CRTAC1: variants seen among roughly 807,000 people sequenced by gnomAD.
CRTAC1 encodes the protein acidic secreted protein in cartilage.
A neutral mutation model predicts 67.8 loss-of-function variants in CRTAC1; 37 were observed. The ratio of observed to expected loss-of-function variants is 0.55; its 90% confidence interval spans 0.42 to 0.72. The LOEUF is 0.72. Ranked by LOEUF, CRTAC1 falls within the 30% of genes least tolerant of loss-of-function variation. The pLI is 0.00. For synonymous variants in CRTAC1, 348 were observed against 371.0 expected (o/e 0.94, Z 0.71); for missense variants, 780 against 931.6 (o/e 0.84, Z 2.12).
intron 1 of CRTAC1, among the ~76,000 whole-genome samples, chr10:98,028,390 T>C (rs1843283484): frequency 6.6e-6 from 1 of 152,206 alleles, no homozygotes; most frequent in African/African-American, 2.4e-5. Flanking sequence ...AGGAGTCTGC[T>C]CCACCTTTAG....
chr10:97,869,559 GCTTC>G (rs2050067793), intron 14 of CRTAC1: 1 of 152,560 alleles, frequency 6.6e-6, no homozygotes, highest in East Asian at 1.9e-4. Context: ...CTGCTGTCTG[GCTTC>G]CTTCCTTTGG....
At chr10:97,977,717 TGTTGGCTTTATGGA>T (rs968845131) in intron 2 of CRTAC1, among the ~76,000 whole-genome samples, 1 of 152,104 alleles carries the variant, frequency 6.6e-6, no homozygotes, top group African/African-American at 2.4e-5. Flanking sequence ...AACTGAGAAA[TGTTGGCTTTATGGA>T]GTTGGTTTTT....
At chr10:98,023,017 T>C (rs1010513733) in intron 1 of CRTAC1, among the ~76,000 whole-genome samples, 6 of 152,182 alleles carry the variant, frequency 3.9e-5, no homozygotes, top group Non-Finnish European at 7.3e-5. Context: ...CTCCCAGATA[T>C]ATATTTGTGA....
chr10:97,968,389 C>T (rs766415509), intron 2 of CRTAC1, among the ~76,000 whole-genome samples: 20 of 152,168 alleles, frequency 1.3e-4, no homozygotes, highest in Non-Finnish European at 2.4e-4. Context: ...ATTTCAGGCA[C>T]GTGCCACCAT....
intron 5 of CRTAC1, among the ~76,000 whole-genome samples, chr10:97,916,052 C>T (rs1358691824): frequency 6.6e-6 from 1 of 152,118 alleles, no homozygotes; most frequent in African/African-American, 2.4e-5. Context: ...CCCCTTCATG[C>T]TCAAACCCAG....
intron 11 of CRTAC1, among the ~76,000 whole-genome samples, chr10:97,886,997 A>G (rs2050295848): frequency 1.3e-5 from 2 of 149,218 alleles, no homozygotes; most frequent in South Asian, 4.3e-4. Context: ...GGCGCAAGAG[A>G]TTTGGCATTT....
chr10:97,970,009 A>G (rs1418402353), intron 2 of CRTAC1, among the ~76,000 whole-genome samples: 1 of 152,086 alleles, frequency 6.6e-6, no homozygotes, highest in Non-Finnish European at 1.5e-5. Context: ...AGATATTTCA[A>G]ACTTAACTTA....
In CRTAC1 at chr10:97,901,495, G is replaced by C; in HGVS notation, c.1133+8C>G. 6.2e-7 allele frequency: 1 copy of C among 1,614,128 alleles called. No homozygotes were observed. The highest frequency in any genetic ancestry group is 8.5e-7 in the Non-Finnish European group (1 of 1,179,978). Reference sequence around the variant, plus strand: ...ATGAAGAGCCACGAGCCAGGATGGAGCATCTACCGGAAGAGGCGGTTGGCT... The same window carrying C: ...ATGAAGAGCCACGAGCCAGGATGGACCATCTACCGGAAGAGGCGGTTGGCT... On this transcript the variant is annotated splice_region_variant and intron_variant, in intron 8 of 14. Coordinates refer to ENST00000370597, the MANE Select transcript of CRTAC1 (RefSeq NM_018058.7).
At chr10:97,984,317 C>G (rs978573367) in intron 2 of CRTAC1, among the ~76,000 whole-genome samples, 6 of 152,192 alleles carry the variant, frequency 3.9e-5, no homozygotes, top group African/African-American at 1.4e-4. Flanking sequence ...ATGAGTGTCC[C>G]TCCCCCATCT....
intron 4 of CRTAC1, among the ~76,000 whole-genome samples, chr10:97,919,322 A>G (rs2050803651): frequency 6.6e-6 from 1 of 152,200 alleles, no homozygotes; most frequent in Admixed American, 6.5e-5. Flanking sequence ...AACTATGGGA[A>G]GTTCTGAAAA....
At chr10:97,959,548 C>T (rs1222397230) in intron 2 of CRTAC1, among the ~76,000 whole-genome samples, 1 of 152,146 alleles carries the variant, frequency 6.6e-6, no homozygotes, top group Admixed American at 6.5e-5. Context: ...TGAAGGTGGC[C>T]AGGTGGAGGC....
At chr10:98,025,442 T>A (rs2136709834) in intron 1 of CRTAC1, among the ~76,000 whole-genome samples, 1 of 152,294 alleles carries the variant, frequency 6.6e-6, no homozygotes, top group African/African-American at 2.4e-5. Context: ...AGGATTTCGA[T>A]AAGGTAAAAA....
chr10:97,872,217 C>T (rs1590170243), intron 14 of CRTAC1, among the ~76,000 whole-genome samples: 1 of 150,708 alleles, frequency 6.6e-6, no homozygotes, highest in Non-Finnish European at 1.5e-5. Context: ...AAGAGGCAGG[C>T]CTATACAGAT....
chr10:97,895,867 C>T lies in CRTAC1; in HGVS notation c.1317+18G>A. ...GCACACAGGGCTGGGATCTGTGGCT[C>T]CTGAGGTCTTAGCGCACCTGATTGC... On this transcript the variant is annotated intron_variant, in intron 10 of 14. Transcript: ENST00000370597. This position sits in a 1 kb window ranked among gnomAD's most constrained non-coding sequence, Gnocchi z 4.2. 6.2e-7 allele frequency: 1 copy of T among 1,601,678 alleles called. No homozygotes were observed.
At chr10:98,006,565 G>C (rs1042578466) in intron 2 of CRTAC1, among the ~76,000 whole-genome samples, 2 of 151,896 alleles carry the variant, frequency 1.3e-5, no homozygotes, top group Non-Finnish European at 2.9e-5. Flanking sequence ...AACACAAACC[G>C]ACCCGCAACA....
Position 97,936,239 on chromosome 10 carries a change from T to C in CRTAC1, c.352A>G (p.Thr118Ala). 1.2e-6 allele frequency: 2 copies of C among 1,614,168 alleles called. No individual in the cohort carries two copies. Among genetic ancestry groups the C allele is most frequent in the Non-Finnish European group, 1.7e-6 (2 of 1,179,998 alleles). ...RDRQGNAIGV[T>A]ACDIDGDGRE... Reference sequence around the variant, plus strand: ...CCGTCCCCGTCGATGTCGCAGGCTGTGACCCCGATGGCGTTCCCCTGCCGG... The same window carrying C: ...CCGTCCCCGTCGATGTCGCAGGCTGCGACCCCGATGGCGTTCCCCTGCCGG... The change falls in exon 3 of 15, where the codon ACA becomes GCA. Residue 118 changes from threonine (T) to alanine (A), a missense_variant. Physicochemically the swap from Thr to Ala is moderately conservative, Grantham distance 58 (BLOSUM62 0). Coordinates refer to ENST00000370597, the MANE Select transcript of CRTAC1 (RefSeq NM_018058.7).
chr10:98,000,091 C>T (rs909118122), intron 2 of CRTAC1, among the ~76,000 whole-genome samples: 10 of 152,218 alleles, frequency 6.6e-5, no homozygotes, highest in South Asian at 4.1e-4. Context: ...AGTAAAGCTC[C>T]TCTTAGTCTG....
intron 14 of CRTAC1, among the ~76,000 whole-genome samples, chr10:97,877,020 C>G (rs7084451): frequency 0.45 from 62,309 of 137,146 alleles, 14,366 homozygotes; most frequent in African/African-American, 0.63. Flanking sequence ...CACCTGTCCT[C>G]TGTATCTTTC....
At chr10:97,892,075 C>T (rs1008822583) in intron 11 of CRTAC1, among the ~76,000 whole-genome samples, 1 of 152,198 alleles carries the variant, frequency 6.6e-6, no homozygotes, top group African/African-American at 2.4e-5. Context: ...AGGCGGAGCT[C>T]CCAATGAAGT....
Sources: allele counts gnomAD v4.1 joint callset (sites outside exome capture counted in the v4.1 genomes callset), GRCh38; gene constraint gnomAD v4.1.1; non-coding constraint Gnocchi (gnomAD v3.1); transcripts MANE v1.5; gene names NCBI Gene and HGNC (gene_info 2026-07-23, HGNC 2026-07-21).